SPAG17: variants seen among roughly 807,000 people sequenced by gnomAD.
SPAG17 encodes the protein sperm-associated antigen 17.
A neutral mutation model predicts 273.6 loss-of-function variants in SPAG17; 169 were observed. The ratio of observed to expected loss-of-function variants is 0.62; its 90% CI spans 0.55 to 0.70. The LOEUF (loss-of-function observed/expected upper bound fraction) is 0.70, where lower values mean the gene tolerates loss of function less well. Ranked by LOEUF, SPAG17 falls within the 30% of genes least tolerant of loss-of-function variation. SPAG17 has a pLI of 0.00. For missense variants in SPAG17, 2,557 were observed against 2,627.8 expected, an observed-to-expected ratio of 0.97 and a Z score of 0.59; for synonymous variants, 825 against 873.2, an observed-to-expected ratio of 0.94 and a Z score of 0.97.
At position 117,996,363 on chromosome 1, in the gene SPAG17, C is replaced by T. The variant is rs1191191677; in HGVS notation, c.5053+7G>A. The T allele has an allele frequency of 6.2e-7, 1 of 1,609,778 alleles. No individual in the cohort carries two copies. Reference sequence around the variant, plus strand: ...ACCGTGCATTCCAGACAGTATGGGTCCTCTACCTGGCTGTTCCTGCACTGG... The same window carrying T: ...ACCGTGCATTCCAGACAGTATGGGTTCTCTACCTGGCTGTTCCTGCACTGG... On this transcript the variant is annotated splice_region_variant and intron_variant, in intron 34 of 48. Transcript: ENST00000336338.
At chr1:118,039,587 C>T (rs751050952) in intron 22 of SPAG17, 143 bp from the exon 23 acceptor site, 24 of 799,614 alleles carry the variant, frequency 3.0e-5, no homozygotes, top group Middle Eastern at 2.9e-4. Flanking sequence ...GGAATGGCAG[C>T]TAAACATTGA....
At chr1:118,034,881 C>A (rs1648896761) in intron 24 of SPAG17, among the ~76,000 whole-genome samples, 1 of 152,102 alleles carries the variant, frequency 6.6e-6, no homozygotes, top group Non-Finnish European at 1.5e-5. Flanking sequence ...CAGTAAGAAG[C>A]AAGAATGACC....
At chr1:118,179,467 A>G (rs1660843075) in intron 1 of SPAG17, among the ~76,000 whole-genome samples, 1 of 152,124 alleles carries the variant, frequency 6.6e-6, no homozygotes, top group Admixed American at 6.6e-5. Flanking sequence ...CTTAAATCTA[A>G]TACCTGAAAC....
At chr1:118,001,454 CT>C (rs1182654247) in intron 32 of SPAG17, among the ~76,000 whole-genome samples, 1 of 152,062 alleles carries the variant, frequency 6.6e-6, no homozygotes, top group African/African-American at 2.4e-5. Context: ...TGGTCCTGGA[CT>C]TTTTTTGGCT....
At position 117,991,447 on chromosome 1, in the gene SPAG17, C is replaced by T. The variant is rs1188731510; in HGVS notation, c.5443G>A (p.Gly1815Ser). Residue 1815 changes from glycine to serine, a missense_variant, in exon 37 of 49, where the codon GGC becomes AGC. Transcript: ENST00000336338. ...VKDSRTEEER[G>S]NAADLLKLVM... ...AGCTTGAGGAGATCAGCAGCATTGC[C>T]TCTCTCCTCCTCAGTTCTGGAATCT... 1.2e-6 allele frequency: 2 copies of T among 1,610,680 alleles called. No homozygotes were observed. Among genetic ancestry groups the T allele is most frequent in the Admixed American group, 3.4e-5 (2 of 59,696 alleles).
intron 8 of SPAG17, among the ~76,000 whole-genome samples, chr1:118,092,395 G>T (rs967091042): frequency 6.6e-6 from 1 of 152,176 alleles, no homozygotes; most frequent in Non-Finnish European, 1.5e-5. Flanking sequence ...CACCAAAGGA[G>T]ATTCATGACC....
intron 47 of SPAG17, 134 bp from the exon 48 acceptor site, chr1:117,964,072 C>A: frequency 1.1e-6 from 1 of 946,514 alleles, no homozygotes; most frequent in Non-Finnish European, 1.6e-6. Context: ...CTATCCAATG[C>A]AAATTCTGCA....
intron 32 of SPAG17, 113 bp downstream of exon 32, chr1:118,005,301 G>A (rs1658763127): frequency 2.4e-6 from 2 of 840,606 alleles, no homozygotes; most frequent in Admixed American, 6.1e-5. Flanking sequence ...GGCAGTAAGT[G>A]GATAATTAAT....
chr1:118,128,619 T>C (rs1162067489), intron 3 of SPAG17, among the ~76,000 whole-genome samples: 1 of 152,194 alleles, frequency 6.6e-6, no homozygotes, highest in African/African-American at 2.4e-5. Context: ...AGACTAGTGA[T>C]TGAGACCCTA....
chr1:118,122,438 C>CGT (rs1383807527), intron 3 of SPAG17, among the ~76,000 whole-genome samples: 1 of 152,148 alleles, frequency 6.6e-6, no homozygotes, highest in Non-Finnish European at 1.5e-5. Context: ...AGTCTTCCCA[C>CGT]GTAACACTGC....
intron 32 of SPAG17, among the ~76,000 whole-genome samples, chr1:117,997,448 G>A (rs1279696053): frequency 6.6e-6 from 1 of 151,590 alleles, no homozygotes; most frequent in Non-Finnish European, 1.5e-5. Flanking sequence ...AAATAAGCTG[G>A]ATCAGGGCTT....
At chr1:118,095,345 C>A (rs1019837632) in intron 7 of SPAG17, among the ~76,000 whole-genome samples, 5 of 152,088 alleles carry the variant, frequency 3.3e-5, no homozygotes, top group Non-Finnish European at 7.3e-5. Flanking sequence ...GCAGCCTGTG[C>A]CTGGAAAGTA....
chr1:118,039,572 A>C, intron 22 of SPAG17, 128 bp from the exon 23 acceptor site: 3 of 896,064 alleles, frequency 3.3e-6, no homozygotes, highest in Non-Finnish European at 5.3e-6. Context: ...GCATGTTCTC[A>C]CTTAGGAATG....
chr1:118,086,584 A>C, intron 12 of SPAG17, 87 bp downstream of exon 12: 2 of 1,097,688 alleles, frequency 1.8e-6, no homozygotes, highest in East Asian at 2.4e-5. Flanking sequence ...GTGTTGATGA[A>C]GTTATCTAAT....
intron 3 of SPAG17, 40 bp from the exon 4 acceptor site, chr1:118,115,481 T>A (rs888948018): frequency 6.3e-7 from 1 of 1,588,534 alleles, no homozygotes; most frequent in African/African-American, 1.4e-5. Context: ...TGATGTTTTA[T>A]AACCTTTGGC....
At chr1:117,955,607 AAAT>A (rs1652079353) in intron 48 of SPAG17, among the ~76,000 whole-genome samples, 1 of 152,156 alleles carries the variant, frequency 6.6e-6, no homozygotes, top group South Asian at 2.1e-4. Context: ...GTAGGCGATG[AAAT>A]AATATATAAT....
chr1:118,008,785 C>T (rs1557900532), intron 30 of SPAG17, among the ~76,000 whole-genome samples: 1 of 152,100 alleles, frequency 6.6e-6, no homozygotes, highest in African/African-American at 2.4e-5. Flanking sequence ...GACCTCGAAC[C>T]ATCTTGATCT....
At chr1:118,005,108 C>T (rs1038367553) in intron 32 of SPAG17, among the ~76,000 whole-genome samples, 2 of 152,200 alleles carry the variant, frequency 1.3e-5, no homozygotes, top group African/African-American at 4.8e-5. Flanking sequence ...ACCATTGCCA[C>T]ATCATTCTTT....
intron 3 of SPAG17, among the ~76,000 whole-genome samples, chr1:118,147,861 G>T (rs1659115990): frequency 6.6e-6 from 1 of 152,196 alleles, no homozygotes; most frequent in Non-Finnish European, 1.5e-5. Flanking sequence ...ACTCATGGAT[G>T]AAGTATACTA....
Sources: allele counts gnomAD v4.1 joint callset (sites outside exome capture counted in the v4.1 genomes callset), GRCh38; gene constraint gnomAD v4.1.1; transcripts MANE v1.5; gene names NCBI Gene and HGNC (gene_info 2026-07-23, HGNC 2026-07-21).